Variants in SYT9 observed in about 807,000 individuals in gnomAD.
SYT9 encodes the protein synaptotagmin 9.
A neutral mutation model predicts 48.4 loss-of-function variants in SYT9; 22 were observed. The observed-to-expected ratio is 0.45, with a 90% CI of 0.32 to 0.65. The LOEUF is 0.65. Among genes scored for constraint, SYT9 ranks in the 30% least tolerant of loss-of-function variants. The probability of loss-of-function intolerance (pLI) is 0.03; values close to 1 mark genes in which losing one functional copy is unlikely to be tolerated. For missense variants in SYT9, 577 were observed against 622.0 expected (o/e 0.93, Z 0.77); for synonymous variants, 265 against 245.0 (o/e 1.08, Z -0.76).
intron 6 of SYT9, among the ~76,000 whole-genome samples, chr11:7,431,644 G>T (rs1408459450): frequency 2.0e-5 from 3 of 152,230 alleles, no homozygotes; most frequent in Non-Finnish European, 4.4e-5. Flanking sequence ...GAATGGTTTT[G>T]TGGGCCAGGA....
At chr11:7,465,748 C>T in intron 6 of SYT9, 1 of 168,016 alleles carries the variant, frequency 6.0e-6, no homozygotes, top group Non-Finnish European at 1.3e-5. Flanking sequence ...TTTAACTGGA[C>T]TTACAGTTCC....
intron 1 of SYT9, among the ~76,000 whole-genome samples, chr11:7,240,459 C>A (rs928733269): frequency 2.0e-5 from 3 of 152,022 alleles, no homozygotes; most frequent in African/African-American, 7.2e-5. Context: ...CTGTTTTTTT[C>A]TTGAATAATA....
intron 2 of SYT9, among the ~76,000 whole-genome samples, chr11:7,303,945 T>C (rs1299300160): frequency 6.6e-6 from 1 of 152,220 alleles, no homozygotes; most frequent in African/African-American, 2.4e-5. Context: ...TTTGGAAGGC[T>C]TACAGAGTAC....
chr11:7,357,676 C>A (rs1428023655), intron 3 of SYT9, among the ~76,000 whole-genome samples: 10 of 152,078 alleles, frequency 6.6e-5, no homozygotes, highest in Non-Finnish European at 4.4e-5. Flanking sequence ...CCATGAATCA[C>A]CTCTCACTCA....
rs548819757 is a variant in SYT9, at chr11:7,392,256, T to G, written c.1045-23786T>G. On this transcript the variant is annotated intron_variant, in intron 3 of 6. Transcript: ENST00000318881. ...TAGTTTGAGGCCTTACATTAAATCT[T>G]TAATATATTTTGAGTTAATTTTTGT... is the stretch of plus-strand genomic sequence containing the variant. Among the ~76,000 whole-genome samples, 10 of 152,316 alleles carry G rather than the reference T, an allele frequency of 6.6e-5. No individual in the cohort carries two copies. The South Asian group carries it at 2.1e-3, about 32-fold the overall frequency.
chr11:7,284,267 T>C (rs1018993515), intron 1 of SYT9, among the ~76,000 whole-genome samples: 1 of 152,204 alleles, frequency 6.6e-6, no homozygotes, highest in African/African-American at 2.4e-5. Context: ...AGAAAGATAC[T>C]CTTTAAACCT....
At chr11:7,262,298 G>T (rs1215139188) in intron 1 of SYT9, among the ~76,000 whole-genome samples, 1 of 152,124 alleles carries the variant, frequency 6.6e-6, no homozygotes, top group East Asian at 1.9e-4. Context: ...CTTGATGTGG[G>T]ATATTGGAAA....
chr11:7,328,502 C>A (rs906719425), intron 3 of SYT9, among the ~76,000 whole-genome samples: 3 of 152,094 alleles, frequency 2.0e-5, no homozygotes, highest in Non-Finnish European at 2.9e-5. Context: ...GTGTATTAAA[C>A]CTCCGTCAAA....
chr11:7,398,670 A>T (rs1198024083), intron 3 of SYT9, among the ~76,000 whole-genome samples: 2 of 152,162 alleles, frequency 1.3e-5, no homozygotes, highest in Non-Finnish European at 2.9e-5. Flanking sequence ...TAGTTTTAGC[A>T]TCAGTATATT....
At chr11:7,330,329 T>C (rs1385785774) in intron 3 of SYT9, among the ~76,000 whole-genome samples, 2 of 152,078 alleles carry the variant, frequency 1.3e-5, no homozygotes, top group East Asian at 1.9e-4. Context: ...ATTTTCCTTA[T>C]ATGAAAGAGG....
At chr11:7,381,894 G>A (rs1850571535) in intron 3 of SYT9, among the ~76,000 whole-genome samples, 1 of 152,178 alleles carries the variant, frequency 6.6e-6, no homozygotes, top group South Asian at 2.1e-4. Context: ...TGAGATAGGA[G>A]CCTTCCAGCC....
chr11:7,261,051 T>C (rs1848069357), intron 1 of SYT9, among the ~76,000 whole-genome samples: 4 of 152,188 alleles, frequency 2.6e-5, no homozygotes, highest in African/African-American at 7.2e-5. Flanking sequence ...AGCCACGCTG[T>C]AGAGATAGTT....
chr11:7,348,758 C>G (rs1223138876), intron 3 of SYT9, among the ~76,000 whole-genome samples: 3 of 120,050 alleles, frequency 2.5e-5, no homozygotes, highest in Non-Finnish European at 4.9e-5. Flanking sequence ...AGGAATTGAG[C>G]TGATCCCTTT....
intron 1 of SYT9, among the ~76,000 whole-genome samples, chr11:7,296,919 T>C (rs540519283): frequency 3.3e-5 from 5 of 152,312 alleles, no homozygotes; most frequent in Admixed American, 6.5e-5. Flanking sequence ...CCACCTTCCC[T>C]ACAAAGCACC....
chr11:7,272,065 C>T (rs1352444738), intron 1 of SYT9, among the ~76,000 whole-genome samples: 1 of 152,124 alleles, frequency 6.6e-6, no homozygotes. Context: ...CCTGGGCAGT[C>T]CATGTAAACT....
chr11:7,465,803 A>G lies in SYT9; in HGVS notation c.1468-989A>G, dbSNP rs188606594. 8.0e-4 allele frequency: 148 copies of G among 186,134 alleles called. 2 individuals carry two copies. Among genetic ancestry groups the G allele is most frequent in the Admixed American group, 7.9e-3 (132 of 16,710 alleles). 11.5% of individuals were successfully genotyped at this position (186,134 alleles called of 1,614,324 possible). On this transcript the variant is annotated intron_variant, in intron 6 of 6. Coordinates refer to ENST00000318881, the MANE Select transcript of SYT9 (RefSeq NM_175733.4). Reference sequence around the variant, plus strand: ...AGAATCATGGCAGGAGGCAAAAGGCACTTCTTACATGGCAGCAGCAAGAGA... The same window carrying G: ...AGAATCATGGCAGGAGGCAAAAGGCGCTTCTTACATGGCAGCAGCAAGAGA...
At chr11:7,409,455 T>C (rs2134087395) in intron 3 of SYT9, among the ~76,000 whole-genome samples, 1 of 152,290 alleles carries the variant, frequency 6.6e-6, no homozygotes, top group African/African-American at 2.4e-5. Flanking sequence ...GTATTAGTTC[T>C]TCTTTATATG....
chr11:7,349,865 A>G (rs936109129), intron 3 of SYT9, among the ~76,000 whole-genome samples: 18 of 152,250 alleles, frequency 1.2e-4, no homozygotes, highest in Non-Finnish European at 1.5e-5. Flanking sequence ...TCCCGATTAT[A>G]CTACACTTCA....
intron 1 of SYT9, among the ~76,000 whole-genome samples, chr11:7,260,815 C>T (rs1222861114): frequency 6.6e-6 from 1 of 152,174 alleles, no homozygotes; most frequent in African/African-American, 2.4e-5. Flanking sequence ...GTAAATACTG[C>T]CTTTAGCAAG....
Sources: gnomAD v4.1 joint callset for allele counts (sites outside exome capture counted in the v4.1 genomes callset) on GRCh38, gnomAD v4.1.1 for gene constraint, MANE v1.5 for transcripts, NCBI Gene and HGNC (gene_info 2026-07-23, HGNC 2026-07-21) for gene names.